The following TATDN1 variants were observed in gnomAD, a reference collection of about 807,000 sequenced individuals.
The protein encoded by TATDN1 is TatD DNase domain containing 1, also known as deoxyribonuclease TATDN1.
A neutral mutation model predicts 46.4 loss-of-function variants in TATDN1; 40 were observed. The observed-to-expected ratio is 0.86, with a 90% CI of 0.67 to 1.12. The LOEUF is 1.12. Among genes scored for constraint, TATDN1 ranks in the 50% most tolerant of loss-of-function variants. The pLI is 0.00. For synonymous variants in TATDN1, 95 were observed against 105.6 expected (o/e 0.90, Z 0.62); for missense variants, 326 against 348.4 (o/e 0.94, Z 0.51).
rs111984344 is a variant in TATDN1, at chr8:124,512,338, T to C, written c.389+3408A>G. Among the ~76,000 whole-genome samples the C allele has an allele frequency of 1.4e-3, 219 of 152,226 alleles. 1 individual carries two copies. The highest frequency in any genetic ancestry group is 5.0e-3 in the African/African-American group (207 of 41,524). ...TACTTGGGAGGCTGAGGCAGGAGAA[T>C]TGCTTGAACCTGGGAGGTGGAGGTT... On this transcript the variant is annotated intron_variant, in intron 6 of 11. Transcript: ENST00000276692.
chr8:124,523,368 G>A (rs972921612), intron 1 of TATDN1: 3 of 209,680 alleles, frequency 1.4e-5, no homozygotes, highest in Admixed American at 5.6e-5. Context: ...CTTAAAGGAT[G>A]AGTGACTGTT....
chr8:124,535,485 T>C (rs1821354918), intron 1 of TATDN1, among the ~76,000 whole-genome samples: 1 of 152,202 alleles, frequency 6.6e-6, no homozygotes, highest in South Asian at 2.1e-4. Context: ...CCAAGGGACA[T>C]TTTTGGAACA....
chr8:124,508,756 CA>C, intron 6 of TATDN1, 68 bp from the exon 7 acceptor site: 2 of 979,068 alleles, frequency 2.0e-6, no homozygotes, highest in South Asian at 3.7e-5. Flanking sequence ...GTAATGATGT[CA>C]AAAGAGCTTT....
At chr8:124,530,013 C>T (rs1335434318) in intron 1 of TATDN1, among the ~76,000 whole-genome samples, 1 of 152,142 alleles carries the variant, frequency 6.6e-6, no homozygotes, top group African/African-American at 2.4e-5. Context: ...ATCGCTTGAA[C>T]CCGGGAGGCG....
intron 11 of TATDN1, among the ~76,000 whole-genome samples, chr8:124,492,128 T>C (rs1817060229): frequency 6.6e-6 from 1 of 152,110 alleles, no homozygotes; most frequent in Non-Finnish European, 1.5e-5. Flanking sequence ...GCATCCGCCA[T>C]GACGCCTGGC....
intron 1 of TATDN1, 137 bp downstream of exon 1, chr8:124,538,888 C>T (rs1231704991): frequency 4.2e-6 from 4 of 958,532 alleles, no homozygotes; most frequent in Admixed American, 4.0e-5. Flanking sequence ...CAGAAACCTC[C>T]CCGCGCCCTC....
chr8:124,528,765 G>C (rs538110888), intron 1 of TATDN1, among the ~76,000 whole-genome samples: 237 of 152,322 alleles, frequency 1.6e-3, no homozygotes, highest in Non-Finnish European at 8.8e-4. Context: ...GAAAAGTCTT[G>C]ATAATGGTAT....
rs200928488 is a variant in TATDN1, at chr8:124,522,152, T to C, written c.137A>G (p.Lys46Arg). ...IGRAVEIGVK[K>R]FMITGGNLQD... Reference sequence around the variant, plus strand: ...CAAAAATAACAAAATGGATGTTACCTTTTTAACACCAATCTCGACAGCTCT... The same window carrying C: ...CAAAAATAACAAAATGGATGTTACCCTTTTAACACCAATCTCGACAGCTCT... The change falls in exon 3 of 12, where the codon AAG becomes AGG. Residue 46 changes from lysine to arginine, a missense_variant and splice_region_variant. Physicochemically the swap from Lys to Arg is conservative, Grantham distance 26. Transcript: ENST00000276692. 1.3e-6 allele frequency: 2 copies of C among 1,582,608 alleles called. No individual in the cohort carries two copies. The highest frequency in any genetic ancestry group is 1.7e-6 in the Non-Finnish European group (2 of 1,159,282).
At chr8:124,522,483 C>A (rs1820135558) in intron 2 of TATDN1, among the ~76,000 whole-genome samples, 1 of 151,510 alleles carries the variant, frequency 6.6e-6, no homozygotes, top group Admixed American at 6.6e-5. Context: ...ATGGTGTGGT[C>A]TCGGCTCACT....
chr8:124,522,402 T>G (rs1036228872), intron 2 of TATDN1, among the ~76,000 whole-genome samples: 1 of 152,232 alleles, frequency 6.6e-6, no homozygotes, highest in Non-Finnish European at 1.5e-5. Flanking sequence ...TTTACAGGTT[T>G]ATCCAAAATG....
chr8:124,516,219 G>T (rs1250458131), intron 4 of TATDN1, among the ~76,000 whole-genome samples, 189 bp from the exon 5 acceptor site: 1 of 152,070 alleles, frequency 6.6e-6, no homozygotes, highest in East Asian at 1.9e-4. Context: ...AGTAGGAGAT[G>T]AATATGAAAA....
intron 1 of TATDN1, among the ~76,000 whole-genome samples, chr8:124,525,756 G>C (rs916068815): frequency 2.6e-5 from 4 of 152,122 alleles, no homozygotes; most frequent in African/African-American, 9.7e-5. Context: ...TAAGGCTCCC[G>C]ATCCAAGAAT....
intron 9 of TATDN1, among the ~76,000 whole-genome samples, chr8:124,496,299 T>C (rs1160420315): frequency 1.3e-5 from 2 of 152,218 alleles, no homozygotes; most frequent in African/African-American, 4.8e-5. Context: ...TTCTACACCA[T>C]AGTGGTAGGT....
intron 1 of TATDN1, among the ~76,000 whole-genome samples, chr8:124,525,385 G>C (rs1043152980): frequency 2.0e-5 from 3 of 152,020 alleles, no homozygotes; most frequent in African/African-American, 4.8e-5. Flanking sequence ...GACCTCAGGA[G>C]CTCCACCCAC....
chr8:124,498,777 A>G (rs916847226), intron 9 of TATDN1, among the ~76,000 whole-genome samples: 2 of 151,864 alleles, frequency 1.3e-5, no homozygotes, highest in African/African-American at 4.8e-5. Flanking sequence ...CAGCCTCCCA[A>G]GTAGCTGAGA....
chr8:124,493,582 G>T (rs1817206732), intron 11 of TATDN1, among the ~76,000 whole-genome samples: 1 of 152,178 alleles, frequency 6.6e-6, no homozygotes, highest in Non-Finnish European at 1.5e-5. Flanking sequence ...TATAGAGGCT[G>T]TCAAATCATT....
At chr8:124,493,760 C>G in intron 11 of TATDN1, 73 bp downstream of exon 11, 1 of 1,514,010 alleles carries the variant, frequency 6.6e-7, no homozygotes, top group East Asian at 2.3e-5. Flanking sequence ...AATTCTGTCC[C>G]TTGCGTTAAT....
chr8:124,526,827 A>G (rs1197173216), intron 1 of TATDN1: 2 of 152,228 alleles, frequency 1.3e-5, no homozygotes, highest in African/African-American at 4.8e-5. Context: ...CCTATGATCT[A>G]GGAATACAAA....
At chr8:124,524,300 C>T (rs556139346) in intron 1 of TATDN1, among the ~76,000 whole-genome samples, 1 of 152,254 alleles carries the variant, frequency 6.6e-6, no homozygotes, top group South Asian at 2.1e-4. Context: ...AACATGTCAA[C>T]AAAGATGGGT....
Sources: gnomAD v4.1 joint callset for allele counts (sites outside exome capture counted in the v4.1 genomes callset) on GRCh38, gnomAD v4.1.1 for gene constraint, MANE v1.5 for transcripts, NCBI Gene and HGNC (gene_info 2026-07-23, HGNC 2026-07-21) for gene names.